Variants in CNTN5 observed in about 807,000 individuals in gnomAD.
CNTN5 encodes the protein contactin-5.
CNTN5 carries 77 observed loss-of-function variants against 129.1 expected under a neutral mutation model. The observed-to-expected ratio is 0.60, with a 90% CI of 0.50 to 0.72. The LOEUF (loss-of-function observed/expected upper bound fraction) is 0.72, where lower values mean the gene tolerates loss of function less well. Among genes scored for constraint, CNTN5 ranks in the 30% least tolerant of loss-of-function variants. The pLI is 0.00. For missense variants in CNTN5, 1,478 were observed against 1,328.8 expected (o/e 1.11, Z -1.75); for synonymous variants, 509 against 465.6 (o/e 1.09, Z -1.20).
intron 1 of CNTN5, among the ~76,000 whole-genome samples, chr11:99,078,136 T>C (rs1158211561): frequency 1.3e-5 from 2 of 152,220 alleles, no homozygotes; most frequent in South Asian, 2.1e-4. Flanking sequence ...GATATTAATG[T>C]CATTTCTATT....
intron 1 of CNTN5, among the ~76,000 whole-genome samples, chr11:99,150,610 T>C (rs77703644): frequency 0.017 from 2,548 of 152,114 alleles, 59 homozygotes; most frequent in African/African-American, 0.057. Flanking sequence ...AATGGTGTAA[T>C]AAGGTGAAAT....
At chr11:100,092,079 A>T (rs904900431) in intron 13 of CNTN5, among the ~76,000 whole-genome samples, 1 of 150,286 alleles carries the variant, frequency 6.7e-6, no homozygotes, top group Non-Finnish European at 1.5e-5. Context: ...TATTACTCAG[A>T]TAAAGAGTAA....
intron 3 of CNTN5, among the ~76,000 whole-genome samples, chr11:99,758,222 CCT>C (rs1277142988): frequency 6.6e-6 from 1 of 151,898 alleles, no homozygotes; most frequent in African/African-American, 2.4e-5. Flanking sequence ...CACTTCAAAC[CCT>C]CCCTTTTTTT....
intron 3 of CNTN5, among the ~76,000 whole-genome samples, chr11:99,637,890 T>A (rs1355717603): frequency 2.0e-5 from 3 of 152,128 alleles, no homozygotes; most frequent in Non-Finnish European, 2.9e-5. Flanking sequence ...CTTTCAGCAT[T>A]TCCTCTCTTT....
At chr11:99,897,914 G>A (rs778030879) in intron 6 of CNTN5, among the ~76,000 whole-genome samples, 14 of 152,104 alleles carry the variant, frequency 9.2e-5, no homozygotes, top group African/African-American at 2.7e-4. Flanking sequence ...CACATGTAAT[G>A]ACATCCATAG....
intron 1 of CNTN5, among the ~76,000 whole-genome samples, chr11:99,092,276 T>C (rs1444518061): frequency 2.0e-5 from 3 of 152,120 alleles, no homozygotes; most frequent in Non-Finnish European, 2.9e-5. Context: ...TTACAATCCA[T>C]AGCTAATATA....
chr11:99,077,474 T>C (rs1865625207), intron 1 of CNTN5, among the ~76,000 whole-genome samples: 1 of 152,206 alleles, frequency 6.6e-6, no homozygotes, highest in Non-Finnish European at 1.5e-5. Flanking sequence ...ATTACAGTGG[T>C]CCTTAGTGAT....
chr11:99,917,507 G>T (rs1298132185), intron 7 of CNTN5, among the ~76,000 whole-genome samples: 1 of 152,016 alleles, frequency 6.6e-6, no homozygotes, highest in African/African-American at 2.4e-5. Context: ...TTGAATAATT[G>T]TTAGAGATTG....
intron 17 of CNTN5, among the ~76,000 whole-genome samples, chr11:100,256,767 G>A (rs912948708): frequency 6.6e-6 from 1 of 151,998 alleles, no homozygotes; most frequent in Non-Finnish European, 1.5e-5. Flanking sequence ...GTGCACACCA[G>A]CCCAGATACT....
chr11:99,854,888 A>G (rs1015898166), intron 6 of CNTN5, among the ~76,000 whole-genome samples: 2 of 152,184 alleles, frequency 1.3e-5, no homozygotes, highest in African/African-American at 4.8e-5. Context: ...CAGAGACAAA[A>G]TAAAGGTAGA....
intron 8 of CNTN5, among the ~76,000 whole-genome samples, chr11:99,968,641 G>C (rs1951160063): frequency 7.2e-6 from 1 of 138,144 alleles, no homozygotes. Flanking sequence ...ATGGTAATTG[G>C]AATAGCTTTG....
intron 1 of CNTN5, among the ~76,000 whole-genome samples, chr11:99,192,453 C>T (rs1221392665): frequency 1.3e-5 from 2 of 151,146 alleles, no homozygotes; most frequent in African/African-American, 4.9e-5. Context: ...AAGTCAATTG[C>T]AAAATTAGAA....
chr11:99,945,289 C>A (rs912259483), intron 7 of CNTN5, among the ~76,000 whole-genome samples: 1 of 151,894 alleles, frequency 6.6e-6, no homozygotes, highest in Non-Finnish European at 1.5e-5. Flanking sequence ...TATTTTAGTT[C>A]TGCATAATGG....
chr11:99,774,657 T>C (rs1008507975), intron 3 of CNTN5, among the ~76,000 whole-genome samples: 1 of 151,950 alleles, frequency 6.6e-6, no homozygotes, highest in East Asian at 1.9e-4. Flanking sequence ...GGCTCATCGT[T>C]TTTATCCCGT....
At chr11:99,244,844 T>G (rs1861737298) in intron 1 of CNTN5, among the ~76,000 whole-genome samples, 1 of 152,202 alleles carries the variant, frequency 6.6e-6, no homozygotes, top group Non-Finnish European at 1.5e-5. Context: ...CAAGTACCTC[T>G]CTCCTATTCC....
chr11:99,236,497 C>CAG (rs1265351539), intron 1 of CNTN5, among the ~76,000 whole-genome samples: 1 of 132,528 alleles, frequency 7.5e-6, no homozygotes, highest in African/African-American at 3.0e-5. Flanking sequence ...CACACACACA[C>CAG]AGAGAGAGAG....
rs1049354993 is a variant in CNTN5 at position 100,299,972 on chromosome 11, G to A, written c.2620+576G>A. 3.0e-4 allele frequency among the ~76,000 whole-genome samples: 46 copies of A among 151,568 alleles called. 1 individual carries two copies. The highest frequency in any genetic ancestry group is 1.1e-3 in the African/African-American group (44 of 41,448). ...GACTTTCGGAAAAGTTAAAGAACGT[G>A]CTAAAGGTTACACTGCTTGTAACTG... On this transcript the variant is annotated intron_variant, in intron 20 of 24. Transcript: ENST00000524871.
At chr11:99,474,236 T>A (rs1309826661) in intron 2 of CNTN5, among the ~76,000 whole-genome samples, 2 of 152,094 alleles carry the variant, frequency 1.3e-5, no homozygotes, top group Admixed American at 6.6e-5. Flanking sequence ...ATATTTTGGA[T>A]ATTTCTTTGT....
intron 18 of CNTN5, among the ~76,000 whole-genome samples, chr11:100,286,740 A>G (rs1394651702): frequency 2.7e-5 from 4 of 146,410 alleles, no homozygotes; most frequent in African/African-American, 1.0e-4. Flanking sequence ...CCAGCAACGG[A>G]ACAAAGCTGG....
Sources: gnomAD v4.1 joint callset for allele counts (sites outside exome capture counted in the v4.1 genomes callset) on GRCh38, gnomAD v4.1.1 for gene constraint, MANE v1.5 for transcripts, NCBI Gene and HGNC (gene_info 2026-07-23, HGNC 2026-07-21) for gene names.